Variants in CD96 observed in about 807,000 individuals in gnomAD.
The protein encoded by CD96 is CD96 molecule, also known as T-cell surface protein tactile.
Under a neutral mutation model 71.3 loss-of-function variants are expected in CD96, and 70 were observed. The ratio of observed to expected loss-of-function variants is 0.98; its 90% CI spans 0.81 to 1.20. The LOEUF (loss-of-function observed/expected upper bound fraction) is 1.20. Among genes scored for constraint, CD96 ranks in the 50% most tolerant of loss-of-function variants. The pLI is 0.00. For synonymous variants in CD96, 248 were observed against 233.0 expected, an observed-to-expected ratio of 1.06 and a Z score of -0.59; for missense variants, 742 against 677.5, an observed-to-expected ratio of 1.10 and a Z score of -1.06.
chr3:111,648,723 G>C lies in CD96; in HGVS notation c.1602-975G>C, dbSNP rs182554876. Among the ~76,000 whole-genome samples the C allele has an allele frequency of 7.5e-3, 1,146 of 151,846 alleles. 16 individuals carry two copies. The highest frequency in any genetic ancestry group is 0.026 in the African/African-American group (1,086 of 41,186). On this transcript the variant is annotated intron_variant, in intron 13 of 13. Coordinates refer to ENST00000352690, the MANE Select transcript of CD96 (RefSeq NM_005816.5). ...AAATGTTTGTTTTATATGGAGATGA[G>C]AATCAATCTCTCTATCCTCCTTCCC...
chr3:111,658,962 G>A (rs145012672), intron 14 of CD96, among the ~76,000 whole-genome samples: 3 of 152,262 alleles, frequency 2.0e-5, no homozygotes, highest in East Asian at 3.9e-4. Flanking sequence ...CAGTAGGATC[G>A]TGTCAGTTCT....
chr3:111,601,942 C>T (rs150575092), intron 7 of CD96, among the ~76,000 whole-genome samples: 7 of 152,330 alleles, frequency 4.6e-5, no homozygotes, highest in Non-Finnish European at 8.8e-5. Context: ...GCACTGGCAT[C>T]GCTCCCGTAG....
intron 10 of CD96, among the ~76,000 whole-genome samples, chr3:111,636,035 G>A (rs1216999724): frequency 2.0e-5 from 3 of 152,124 alleles, no homozygotes; most frequent in Non-Finnish European, 4.4e-5. Context: ...ATCATCAATA[G>A]ACCTTGATAT....
At chr3:111,641,069 C>A (rs1198019093) in intron 12 of CD96, among the ~76,000 whole-genome samples, 1 of 152,076 alleles carries the variant, frequency 6.6e-6, no homozygotes, top group African/African-American at 2.4e-5. Context: ...AACAAAAATA[C>A]AAGTTAAAAA....
intron 8 of CD96, among the ~76,000 whole-genome samples, chr3:111,615,301 TC>T (rs1938173609): frequency 6.6e-6 from 1 of 152,106 alleles, no homozygotes; most frequent in African/African-American, 2.4e-5. Context: ...AACACTGAGT[TC>T]TAGAAGCATT....
exon 15 of CD96, chr3:111,665,748 T>C (rs1358621126): frequency 2.0e-5 from 3 of 152,226 alleles, no homozygotes; most frequent in Admixed American, 6.5e-5. Context: ...GCTACTTTAG[T>C]AGAAACTACG....
intron 8 of CD96, among the ~76,000 whole-genome samples, chr3:111,620,807 TA>T (rs1285126346): frequency 6.6e-6 from 1 of 152,164 alleles, no homozygotes; most frequent in African/African-American, 2.4e-5. Flanking sequence ...ACACAAGGAT[TA>T]AGGCAGCATG....
In CD96 at chr3:111,601,686, CA is replaced by C. The variant is rs1314588750; in HGVS notation, c.1087+774del. On this transcript the variant is annotated intron_variant, in intron 7 of 13. Transcript: ENST00000352690. The stretch of plus-strand genomic sequence containing the variant: ...TAAATAGATTTGCAAATCATTATTA[CA>C]ACTCTATAGGAGCATTGACCTCTTA... Among the ~76,000 whole-genome samples, 3 of 152,296 alleles carry C rather than the reference CA, an allele frequency of 2.0e-5. No homozygotes were observed. The East Asian group carries it at 5.8e-4, about 29-fold the overall frequency.
chr3:111,593,515 T>C (rs1937093052), intron 5 of CD96: 1 of 1,507,884 alleles, frequency 6.6e-7, no homozygotes, highest in East Asian at 2.3e-5. Context: ...CTAGAGTCAA[T>C]GTTTTCAGAA....
intron 8 of CD96, among the ~76,000 whole-genome samples, chr3:111,618,125 C>T (rs1201907593): frequency 1.3e-5 from 2 of 152,248 alleles, no homozygotes; most frequent in Non-Finnish European, 2.9e-5. Context: ...ACCCCACGCT[C>T]ACTCGTTCAC....
intron 10 of CD96, among the ~76,000 whole-genome samples, chr3:111,631,494 A>T (rs1939059856): frequency 6.6e-6 from 1 of 152,168 alleles, no homozygotes; most frequent in South Asian, 2.1e-4. Context: ...GAAATCAGAG[A>T]TGACACAAAT....
At position 111,615,809 on chromosome 3, in the gene CD96, C is replaced by G. The variant is rs146489847; in HGVS notation, c.1181-7945C>G. The stretch of plus-strand genomic sequence containing the variant: ...GTTAGCATGAAAAGCCACATTATAC[C>G]CTACTTGATATATCCCCCACGACTG... On this transcript the variant is annotated intron_variant, in intron 8 of 13. Coordinates refer to ENST00000352690, the MANE Select transcript of CD96 (RefSeq NM_005816.5). Among the ~76,000 whole-genome samples the G allele has an allele frequency of 2.3e-3, 352 of 152,164 alleles. 1 individual carries two copies. The highest frequency in any genetic ancestry group is 8.1e-3 in the African/African-American group (336 of 41,504).
chr3:111,552,959 C>T (rs1934792628), intron 2 of CD96, among the ~76,000 whole-genome samples: 1 of 151,908 alleles, frequency 6.6e-6, no homozygotes, highest in Non-Finnish European at 1.5e-5. Flanking sequence ...CAACAATTAT[C>T]AACTCATAGG....
At chr3:111,587,473 G>A (rs1434413297) in intron 5 of CD96, among the ~76,000 whole-genome samples, 2 of 152,172 alleles carry the variant, frequency 1.3e-5, no homozygotes, top group African/African-American at 2.4e-5. Context: ...CTGATGATGA[G>A]TTTCTGCAGC....
intron 12 of CD96, among the ~76,000 whole-genome samples, chr3:111,644,089 T>C (rs1395928450): frequency 6.6e-6 from 1 of 152,120 alleles, no homozygotes; most frequent in Non-Finnish European, 1.5e-5. Context: ...CCAACTATAC[T>C]ATAAAGCCAT....
At chr3:111,550,600 A>G (rs1934651959) in intron 2 of CD96, among the ~76,000 whole-genome samples, 1 of 152,144 alleles carries the variant, frequency 6.6e-6, no homozygotes, top group South Asian at 2.1e-4. Context: ...TGAAAAAAAA[A>G]GAACAGTTTT....
chr3:111,562,271 C>G (rs1160319280), intron 2 of CD96, among the ~76,000 whole-genome samples: 1 of 152,208 alleles, frequency 6.6e-6, no homozygotes, highest in Non-Finnish European at 1.5e-5. Context: ...AAATTCAACA[C>G]CTGGGTCCAC....
chr3:111,610,909 A>G (rs1428857073), intron 8 of CD96, among the ~76,000 whole-genome samples: 1 of 152,224 alleles, frequency 6.6e-6, no homozygotes, highest in South Asian at 2.1e-4. Flanking sequence ...CAAGACACTT[A>G]TTCATGAAAC....
At chr3:111,579,824 A>G (rs1936388127) in intron 4 of CD96, among the ~76,000 whole-genome samples, 4 of 152,208 alleles carry the variant, frequency 2.6e-5, no homozygotes, top group Admixed American at 1.3e-4. Context: ...GAAAGGCCCC[A>G]GCTCTCAATA....
Sources: gnomAD v4.1 joint callset for allele counts (sites outside exome capture counted in the v4.1 genomes callset) on GRCh38, gnomAD v4.1.1 for gene constraint, MANE v1.5 for transcripts, NCBI Gene and HGNC (gene_info 2026-07-23, HGNC 2026-07-21) for gene names.